Variants in SUPV3L1 observed in about 807,000 individuals in gnomAD.
SUPV3L1 encodes the protein ATP-dependent RNA helicase SUPV3L1, mitochondrial.
In SUPV3L1, 35 loss-of-function variants were observed where a neutral mutation model predicts 70.0. The observed-to-expected ratio is 0.50, with a 90% CI of 0.38 to 0.66. The LOEUF (loss-of-function observed/expected upper bound fraction) is 0.66, where lower values mean the gene tolerates loss of function less well. Among genes scored for constraint, SUPV3L1 ranks in the 30% least tolerant of loss-of-function variants. The pLI, the probability that SUPV3L1 is intolerant of heterozygous loss-of-function variation, is 0.00. For synonymous variants in SUPV3L1, 364 were observed against 341.9 expected, an observed-to-expected ratio of 1.06 and a Z score of -0.71; for missense variants, 777 against 961.5, an observed-to-expected ratio of 0.81 and a Z score of 2.54.
At position 69,196,997 on chromosome 10, in the gene SUPV3L1, T is replaced by C. The variant is rs551248547; in HGVS notation, c.937T>C (p.Cys313Arg). The part of the protein sequence containing the change: ...WAWTRALLGL[C>R]AEEVHLCGEP... ...ACCCAGTTTTGCATTGACAGGACTG[T>C]GTGCTGAAGAGGTTCATTTGTGTGG... Residue 313 changes from cysteine to arginine, a missense_variant, in exon 8 of 15, where the codon TGT becomes CGT. By Grantham distance (180) the Cys-to-Arg change is radical. Transcript: ENST00000359655. 2 of 1,614,046 alleles carry C rather than the reference T, an allele frequency of 1.2e-6. No individual in the cohort carries two copies. Among genetic ancestry groups the C allele is most frequent in the African/African-American group, 2.7e-5 (2 of 75,070 alleles).
intron 1 of SUPV3L1, chr10:69,182,466 T>G: frequency 5.6e-4 from 523 of 929,034 alleles, no homozygotes; most frequent in Middle Eastern, 1.1e-3. Flanking sequence ...GTAATTTGGA[T>G]GAGATAATTT....
rs569272576 is a variant in SUPV3L1, at chr10:69,202,778, G to C, written c.1600-89G>C. Reference sequence around the variant, plus strand: ...ATGGAAGTTTGTTCTGGATTAAAGAGATTGTCTTTTATAGACTTGAGTATG... The same window carrying C: ...ATGGAAGTTTGTTCTGGATTAAAGACATTGTCTTTTATAGACTTGAGTATG... On this transcript the variant is annotated intron_variant, in intron 12 of 14. Coordinates refer to ENST00000359655, the MANE Select transcript of SUPV3L1 (RefSeq NM_003171.5). The C allele has an allele frequency of 2.5e-3, 3,420 of 1,342,552 alleles. 4 individuals carry two copies. Among genetic ancestry groups the C allele is most frequent in the Non-Finnish European group, 2.8e-3 (2,775 of 973,786 alleles). 83.2% of individuals were successfully genotyped at this position (1,342,552 alleles called of 1,614,324 possible).
chr10:69,190,268 G>A (rs1842358895), intron 5 of SUPV3L1, among the ~76,000 whole-genome samples: 3 of 152,152 alleles, frequency 2.0e-5, no homozygotes, highest in Admixed American at 1.3e-4. Context: ...CTATCAGCTA[G>A]AGCTAATGAT....
In SUPV3L1 at chr10:69,189,379, T is replaced by G. The variant is rs777537405; in HGVS notation, c.685T>G (p.Tyr229Asp). ...ATACTTCTCAGCAAAGTCTGGAGTGTATTGTGGCCCTCTAAAATTACTGGC... is the reference window on the plus strand; with the variant it reads ...ATACTTCTCAGCAAAGTCTGGAGTGGATTGTGGCCCTCTAAAATTACTGGC... ...QKYFSAKSGVYCGPLKLLAHE... is the reference protein window; with the variant it reads ...QKYFSAKSGVDCGPLKLLAHE... Residue 229 changes from tyrosine to aspartate, a missense_variant, in exon 5 of 15, where the codon TAT becomes GAT. Physicochemically the swap from Tyr to Asp is radical, Grantham distance 160 (BLOSUM62 -3). Coordinates refer to ENST00000359655, the MANE Select transcript of SUPV3L1 (RefSeq NM_003171.5). The G allele has an allele frequency of 6.2e-7, 1 of 1,613,702 alleles. No individual in the cohort carries two copies. The highest frequency in any genetic ancestry group is 1.7e-5 in the Admixed American group (1 of 59,962).
chr10:69,204,709 G>A (rs886793138), intron 13 of SUPV3L1, among the ~76,000 whole-genome samples: 9 of 151,858 alleles, frequency 5.9e-5, no homozygotes, highest in African/African-American at 1.2e-4. Context: ...CATTGCGTTT[G>A]CCTATGTGCA....
rs115883455 is a variant in SUPV3L1 at position 69,207,401 on chromosome 10, C to T, written c.1777-392C>T. On this transcript the variant is annotated intron_variant, in intron 13 of 14. Transcript: ENST00000359655. ...GATCATGGCGCACTGCAGCCTTGAC[C>T]TCCCTGGGCTCAGTAATCCTCCACC... Among the ~76,000 whole-genome samples, 937 of 152,288 alleles carry T rather than the reference C, an allele frequency of 6.2e-3. 15 individuals are homozygous for T. The highest frequency in any genetic ancestry group is 0.021 in the African/African-American group (891 of 41,552).
Position 69,207,827 on chromosome 10 carries a change from C to T in SUPV3L1, c.1811C>T (p.Thr604Ile). The T allele has an allele frequency of 6.2e-7, 1 of 1,614,122 alleles. No homozygotes were observed. The highest frequency in any genetic ancestry group is 8.5e-7 in the Non-Finnish European group (1 of 1,180,004). ...ARQYSRNEPLTFAWLRRYIKW... is the reference protein window; with the variant it reads ...ARQYSRNEPLIFAWLRRYIKW... The stretch of plus-strand genomic sequence containing the variant: ...CAGTATAGCAGGAATGAGCCCCTGA[C>T]CTTTGCATGGTTACGCCGATACATC... The change falls in exon 14 of 15, where the codon ACC becomes ATC. Residue 604 changes from threonine to isoleucine, a missense_variant. Around this residue, in one of 2 missense-constraint regions of SUPV3L1, gnomAD observed 619 missense variants for 823.3 expected, o/e 0.75. Transcript: ENST00000359655.
chr10:69,202,502 A>G lies in SUPV3L1; in HGVS notation c.1582A>G (p.Thr528Ala), dbSNP rs778748267. The change falls in exon 12 of 15, where the codon ACA (threonine) becomes GCA (alanine). Residue 528 changes from threonine (T) to alanine (A), a missense_variant. Transcript: ENST00000359655. Reference sequence around the variant, plus strand: ...GTTTGCCTACCATCTCCCTGATGCAACACTGTCCAATCTCATTGTAAGTGG... The same window carrying G: ...GTTTGCCTACCATCTCCCTGATGCAGCACTGTCCAATCTCATTGTAAGTGG... The part of the protein sequence containing the change: ...EMFAYHLPDA[T>A]LSNLIDIFVD... The G allele has an allele frequency of 2.6e-5, 42 of 1,613,438 alleles. No homozygotes were observed. In the South Asian group the frequency reaches 3.0e-4, roughly 11 times the overall value.
At chr10:69,184,845 C>G (rs1218896800) in intron 1 of SUPV3L1, among the ~76,000 whole-genome samples, 1 of 152,142 alleles carries the variant, frequency 6.6e-6, no homozygotes, top group Non-Finnish European at 1.5e-5. Context: ...GGTCACTTGG[C>G]CTTTCTGAAT....
chr10:69,191,649 T>G lies in SUPV3L1; in HGVS notation c.742-6T>G. ...AATAATTCTAGTTTTTTTTCTGTCT[T>G]TCTAGGGTGTGCCATGTGACTTGGT... On this transcript the variant is annotated splice_region_variant and splice_polypyrimidine_tract_variant and intron_variant, in intron 5 of 14. Coordinates refer to ENST00000359655, the MANE Select transcript of SUPV3L1 (RefSeq NM_003171.5). 6.2e-7 allele frequency: 1 copy of G among 1,611,962 alleles called. No homozygotes were observed. Among genetic ancestry groups the G allele is most frequent in the Non-Finnish European group, 8.5e-7 (1 of 1,178,202 alleles).
intron 6 of SUPV3L1, among the ~76,000 whole-genome samples, chr10:69,194,277 T>TG (rs1842477234): frequency 6.6e-6 from 1 of 151,888 alleles, no homozygotes; most frequent in Non-Finnish European, 1.5e-5. Context: ...GAGATTGAGA[T>TG]GGGAGGATTG....
At chr10:69,204,089 A>G (rs1842758654) in intron 13 of SUPV3L1, among the ~76,000 whole-genome samples, 1 of 152,192 alleles carries the variant, frequency 6.6e-6, no homozygotes, top group Non-Finnish European at 1.5e-5. Context: ...GGAAAAGGTT[A>G]ACTACATTAT....
intron 13 of SUPV3L1, among the ~76,000 whole-genome samples, chr10:69,207,338 T>G (rs1339650227): frequency 6.6e-6 from 1 of 152,172 alleles, no homozygotes; most frequent in African/African-American, 2.4e-5. Context: ...TTGTTTTTTC[T>G]TTCTCCAAAT....
At chr10:69,191,570 G>A in intron 5 of SUPV3L1, 85 bp from the exon 6 acceptor site, 3 of 1,082,550 alleles carry the variant, frequency 2.8e-6, no homozygotes, top group Non-Finnish European at 4.2e-6. Flanking sequence ...TAATTTGGTG[G>A]TAGTGGAGAG....
At chr10:69,181,894 A>G (rs1173870050) in intron 1 of SUPV3L1, among the ~76,000 whole-genome samples, 1 of 152,172 alleles carries the variant, frequency 6.6e-6, no homozygotes, top group Non-Finnish European at 1.5e-5. Context: ...ACCATAGCAG[A>G]GAATGTGTTA....
chr10:69,208,610 A>G lies in SUPV3L1; in HGVS notation c.1936A>G (p.Met646Val). 1 of 1,611,580 alleles carries G rather than the reference A, an allele frequency of 6.2e-7. No homozygotes were observed. The highest frequency in any genetic ancestry group is 8.5e-7 in the Non-Finnish European group (1 of 1,177,896). Reference sequence around the variant, plus strand: ...GTGTCTTTTTCCCAGCTACCGATTTATGGATATGTTTCCAGATGCCAGCCT... The same window carrying G: ...GTGTCTTTTTCCCAGCTACCGATTTGTGGATATGTTTCCAGATGCCAGCCT... ...DLYLWLSYRF[M>V]DMFPDASLIR... The change falls in exon 15 of 15, where the codon ATG (methionine) becomes GTG (valine). Residue 646 changes from methionine to valine, a missense_variant. Met to Val is a conservative substitution (Grantham distance 21). Around this residue, in one of 2 missense-constraint regions of SUPV3L1, gnomAD observed 619 missense variants for 823.3 expected, o/e 0.75. Coordinates refer to ENST00000359655, the MANE Select transcript of SUPV3L1 (RefSeq NM_003171.5).
intron 1 of SUPV3L1, among the ~76,000 whole-genome samples, chr10:69,181,507 A>G (rs1842059396): frequency 6.6e-6 from 1 of 152,228 alleles, no homozygotes; most frequent in Non-Finnish European, 1.5e-5. Flanking sequence ...ATATTCTTCC[A>G]GTGTTAAGCA....
intron 6 of SUPV3L1, among the ~76,000 whole-genome samples, chr10:69,194,541 G>A (rs142662021): frequency 3.3e-5 from 5 of 152,032 alleles, no homozygotes; most frequent in African/African-American, 4.8e-5. Context: ...TAGTGGAGAC[G>A]GGGTTTCACC....
intron 1 of SUPV3L1, among the ~76,000 whole-genome samples, chr10:69,185,563 C>T (rs547734535): frequency 3.4e-5 from 5 of 148,382 alleles, no homozygotes; most frequent in Non-Finnish European, 7.4e-5. Context: ...GTGCAGTGGG[C>T]CCATCTCGGC....
Sources: allele counts gnomAD v4.1 joint callset (sites outside exome capture counted in the v4.1 genomes callset), GRCh38; gene constraint gnomAD v4.1.1; regional missense constraint gnomAD v4.1.1; transcripts MANE v1.5; gene names NCBI Gene and HGNC (gene_info 2026-07-23, HGNC 2026-07-21).